ERMP1: variants seen among roughly 807,000 people sequenced by gnomAD.
ERMP1 encodes the protein Felix-ina.
In ERMP1, 86 loss-of-function variants were observed where a neutral mutation model predicts 92.0. The ratio of observed to expected loss-of-function variants is 0.93; its 90% confidence interval spans 0.79 to 1.12. The LOEUF (loss-of-function observed/expected upper bound fraction) is 1.12, where lower values mean the gene tolerates loss of function less well. ERMP1 is among the 50% of genes most tolerant of loss of function. The pLI, the probability that ERMP1 is intolerant of heterozygous loss-of-function variation, is 0.00. For synonymous variants in ERMP1, 530 were observed against 412.8 expected (o/e 1.28, Z -3.44); for missense variants, 1,342 against 1,116.3 (o/e 1.20, Z -2.88).
chr9:5,801,074 T>A (rs919715466), intron 11 of ERMP1, 102 bp downstream of exon 11: 133 of 1,258,336 alleles, frequency 1.1e-4, no homozygotes, highest in Non-Finnish European at 1.3e-4. Flanking sequence ...ACTAAATAGG[T>A]CAACAGCAGA....
intron 6 of ERMP1, chr9:5,856,074 G>T: frequency 2.7e-6 from 1 of 375,654 alleles, no homozygotes; most frequent in South Asian, 2.5e-5. Flanking sequence ...ATCCAACGTC[G>T]GCTGAGACAA....
intron 10 of ERMP1, among the ~76,000 whole-genome samples, chr9:5,801,707 G>C (rs1563752671): frequency 6.6e-6 from 1 of 152,232 alleles, no homozygotes; most frequent in Non-Finnish European, 1.5e-5. Flanking sequence ...AGGCAGATCT[G>C]TTTGGACAAA....
rs1483720320 is a variant in ERMP1 at position 5,813,122 on chromosome 9, A to G, written c.875-87T>C. The G allele has an allele frequency of 6.8e-6, 10 of 1,461,724 alleles. No individual in the cohort carries two copies. The East Asian group carries it at 1.6e-4, about 24-fold the overall frequency. 90.5% of individuals were successfully genotyped at this position (1,461,724 alleles called of 1,614,324 possible). A position where few individuals can be genotyped will look rare whatever the true frequency, so the allele number is the denominator to read the frequency against. On this transcript the variant is annotated intron_variant, in intron 4 of 14. Coordinates refer to ENST00000339450, the MANE Select transcript of ERMP1 (RefSeq NM_024896.3). ...GTTTTTCAACACATAGAAAACAGTA[A>G]AAGTGGTGGTTTTGGGAGACGGGTC...
Position 5,801,224 on chromosome 9 carries a change from T to G in ERMP1, c.2019A>C (p.Pro673=). The G allele has an allele frequency of 6.2e-7, 1 of 1,613,852 alleles. No individual in the cohort carries two copies. The highest frequency in any genetic ancestry group is 1.7e-5 in the Admixed American group (1 of 59,988). Reference sequence around the variant, plus strand: ...TCGGATTAGCAGGATTGGAGCTATATGGAAAAAATGTTCCACTGCAAACAA... The same window carrying G: ...TCGGATTAGCAGGATTGGAGCTATAGGGAAAAAATGTTCCACTGCAAACAA... ...FLLVCSGTFF[P]YSSNPANPKP... Residue 673 remains proline (P), a synonymous_variant, in exon 11 of 15, where the codon CCA becomes CCC. Transcript: ENST00000339450.
intron 4 of ERMP1, among the ~76,000 whole-genome samples, chr9:5,822,348 T>TAC (rs1459061197): frequency 6.6e-6 from 1 of 152,152 alleles, no homozygotes; most frequent in Non-Finnish European, 1.5e-5. Context: ...TCTCATTAGT[T>TAC]AGAGTAAGAA....
chr9:5,827,070 A>C (rs2129664395), intron 2 of ERMP1, among the ~76,000 whole-genome samples: 1 of 152,352 alleles, frequency 6.6e-6, no homozygotes, highest in East Asian at 1.9e-4. Flanking sequence ...TGCCTCTTCT[A>C]CCAACGACCT....
At chr9:5,808,758 G>T (rs183592986) in intron 8 of ERMP1, among the ~76,000 whole-genome samples, 1 of 152,162 alleles carries the variant, frequency 6.6e-6, no homozygotes, top group Non-Finnish European at 1.5e-5. Context: ...GTTTGTTTGA[G>T]ATAGGGTCTC....
chr9:5,818,071 T>G (rs969380876), intron 4 of ERMP1, among the ~76,000 whole-genome samples: 44 of 151,272 alleles, frequency 2.9e-4, no homozygotes, highest in African/African-American at 9.3e-4. Flanking sequence ...TATATCAAGG[T>G]GGATCACTTG....
At chr9:5,831,585 G>A (rs912350444) in intron 1 of ERMP1, among the ~76,000 whole-genome samples, 2 of 152,122 alleles carry the variant, frequency 1.3e-5, no homozygotes, top group Non-Finnish European at 2.9e-5. Flanking sequence ...CAGCCTGGGC[G>A]ACAGAGCCAG....
At chr9:5,820,448 C>G (rs903101286) in intron 4 of ERMP1, among the ~76,000 whole-genome samples, 7 of 152,080 alleles carry the variant, frequency 4.6e-5, no homozygotes, top group African/African-American at 1.7e-4. Context: ...CTAGTTTGCT[C>G]TGGATGGTAG....
At position 5,810,193 on chromosome 9, in the gene ERMP1, T is replaced by C; in HGVS notation, c.1366A>G (p.Ile456Val). 2 of 1,614,028 alleles carry C rather than the reference T, an allele frequency of 1.2e-6. No individual in the cohort carries two copies. Among genetic ancestry groups the C allele is most frequent in the Non-Finnish European group, 1.7e-6 (2 of 1,179,998 alleles). ...YKKDFLCGLG[I>V]TLISWFTSLV... ...CTAGTGAACCAGCTGATCAAAGTGATGCCAAGTCCACACAAGAAGTCCTTC... is the reference window on the plus strand; with the variant it reads ...CTAGTGAACCAGCTGATCAAAGTGACGCCAAGTCCACACAAGAAGTCCTTC... Residue 456 changes from isoleucine to valine, a missense_variant, in exon 8 of 15, where the codon ATC becomes GTC. Transcript: ENST00000339450.
At chr9:5,838,929 C>G (rs1206895427) in intron 6 of ERMP1, among the ~76,000 whole-genome samples, 1 of 152,290 alleles carries the variant, frequency 6.6e-6, no homozygotes, top group East Asian at 1.9e-4. Flanking sequence ...CTATTCATTT[C>G]TCTACTTTCC....
chr9:5,861,717 G>GTTTTTTTTTTTTTTTTTTTTTT (rs34804675), intron 5 of ERMP1, among the ~76,000 whole-genome samples: 1 of 66,228 alleles, frequency 1.5e-5, no homozygotes, highest in Non-Finnish European at 2.6e-5. Flanking sequence ...GAGAGGAAGG[G>GTTTTTTTTTTTTTTTTTTTTTT]TTTTTTTTTT....
chr9:5,815,494 CA>C (rs3068691), intron 4 of ERMP1, among the ~76,000 whole-genome samples: 1,443 of 97,376 alleles, frequency 0.015, 15 homozygotes, highest in African/African-American at 0.05. Flanking sequence ...ACTGAAATAA[CA>C]AAAAAAAAAA....
chr9:5,805,442 T>C (rs926981336), intron 9 of ERMP1, among the ~76,000 whole-genome samples, 169 bp downstream of exon 9: 1 of 152,052 alleles, frequency 6.6e-6, no homozygotes, highest in Non-Finnish European at 1.5e-5. Context: ...TTCACAAACA[T>C]GAGAAAGGGA....
chr9:5,851,663 T>A (rs1830308320), intron 6 of ERMP1, among the ~76,000 whole-genome samples: 1 of 152,202 alleles, frequency 6.6e-6, no homozygotes, highest in Non-Finnish European at 1.5e-5. Flanking sequence ...TTACTCAGAA[T>A]CAGTCTAGCT....
chr9:5,821,064 G>C (rs1209669303), intron 4 of ERMP1, among the ~76,000 whole-genome samples: 1 of 152,098 alleles, frequency 6.6e-6, no homozygotes, highest in Non-Finnish European at 1.5e-5. Context: ...CAAATCTTTT[G>C]TATGACACCC....
chr9:5,832,630 G>A (rs891612498), intron 1 of ERMP1, 60 bp downstream of exon 1: 43 of 1,286,194 alleles, frequency 3.3e-5, no homozygotes, highest in South Asian at 5.3e-5. Context: ...CGGTGCCCCG[G>A]AGCCTGCGCA....
chr9:5,828,807 A>C (rs1829823111), intron 2 of ERMP1, among the ~76,000 whole-genome samples: 1 of 152,162 alleles, frequency 6.6e-6, no homozygotes, highest in African/African-American at 2.4e-5. Context: ...TTGTCCCTAC[A>C]TTTGCTGCTA....
Sources: gnomAD v4.1 joint callset for allele counts (sites outside exome capture counted in the v4.1 genomes callset) on GRCh38, gnomAD v4.1.1 for gene constraint, MANE v1.5 for transcripts, NCBI Gene and HGNC (gene_info 2026-07-23, HGNC 2026-07-21) for gene names.